ANAPC4: variants seen among roughly 807,000 people sequenced by gnomAD.
ANAPC4 encodes anaphase promoting complex subunit 4.
Under a neutral mutation model 119.8 loss-of-function variants are expected in ANAPC4, and 63 were observed. That is an observed-to-expected ratio of 0.53 (90% CI 0.43 to 0.65). ANAPC4 has a LOEUF of 0.65. ANAPC4 is among the 30% of genes least tolerant of loss of function. The probability of loss-of-function intolerance (pLI) is 0.00; values close to 1 mark genes in which losing one functional copy is unlikely to be tolerated. For synonymous variants in ANAPC4, 283 were observed against 318.6 expected (o/e 0.89, Z 1.19); for missense variants, 716 against 945.1 (o/e 0.76, Z 3.18).
Position 25,388,473 on chromosome 4 carries a change from A to C in ANAPC4, c.369-27A>C, listed in dbSNP as rs767804612. 7 of 1,450,436 alleles carry C rather than the reference A, an allele frequency of 4.8e-6. No homozygotes were observed. In the East Asian group the frequency reaches 1.4e-4, roughly 28 times the overall value. 89.8% of individuals were successfully genotyped at this position (1,450,436 alleles called of 1,614,324 possible). On this transcript the variant is annotated intron_variant, in intron 4 of 28. Coordinates refer to ENST00000315368, the MANE Select transcript of ANAPC4 (RefSeq NM_013367.3). ...GAGAAGTAAAATCTTTGGTGTTTTTATAATGCTTTTATTTTTTCCTTTTTA... is the reference window on the plus strand; with the variant it reads ...GAGAAGTAAAATCTTTGGTGTTTTTCTAATGCTTTTATTTTTTCCTTTTTA...
rs1577406744 is a variant in ANAPC4 at position 25,418,276 on chromosome 4, A to C, written c.2321A>C (p.Glu774Ala). ...AATAAGCCTGTAAAAATAAAGGAAG[A>C]AGTGTTGTCGGAGTCAGAGGCAGAG... ...ASNKPVKIKEEVLSESEAENQ... is the reference protein window; with the variant it reads ...ASNKPVKIKEAVLSESEAENQ... The change falls in exon 29 of 29, where the codon GAA becomes GCA. Residue 774 changes from glutamate (E) to alanine (A), a missense_variant. Physicochemically the swap from Glu to Ala is moderately radical, Grantham distance 107. This residue lies in a region of ANAPC4 where 504 missense variants were observed against 615.8 expected (regional missense o/e 0.82). Transcript: ENST00000315368. The C allele has an allele frequency of 6.2e-7, 1 of 1,614,044 alleles. No homozygotes were observed. The highest frequency in any genetic ancestry group is 2.2e-5 in the East Asian group (1 of 44,858).
In ANAPC4 at chr4:25,383,336, T is replaced by C; in HGVS notation, c.311T>C (p.Phe104Ser). Residue 104 changes from phenylalanine to serine, a missense_variant, in exon 4 of 29, where the codon TTT (phenylalanine) becomes TCT (serine). Physicochemically the swap from Phe to Ser is radical, Grantham distance 155. Around this residue, in one of 3 missense-constraint regions of ANAPC4, gnomAD observed 202 missense variants for 293.5 expected, o/e 0.69. Coordinates refer to ENST00000315368, the MANE Select transcript of ANAPC4 (RefSeq NM_013367.3). ...DVEKPESLHS[F>S]SVEAPVSCMH... ...GAAAAACCTGAGAGCTTACACTCTT[T>C]TTCTGTGGAGGCTCCAGTTTCCTGT... The C allele has an allele frequency of 6.2e-7, 1 of 1,613,398 alleles. No homozygotes were observed. Among genetic ancestry groups the C allele is most frequent in the Non-Finnish European group, 8.5e-7 (1 of 1,179,708 alleles).
intron 9 of ANAPC4, 39 bp downstream of exon 9, chr4:25,391,054 G>A (rs756370128): frequency 2.1e-6 from 3 of 1,402,156 alleles, no homozygotes; most frequent in Non-Finnish European, 3.0e-6. Context: ...GAGTAAATAT[G>A]TATTTAACAG....
At chr4:25,395,777 C>T (rs568474841) in intron 14 of ANAPC4, among the ~76,000 whole-genome samples, 12 of 152,094 alleles carry the variant, frequency 7.9e-5, no homozygotes, top group Non-Finnish European at 1.8e-4. Flanking sequence ...TGGTATATTC[C>T]TTTATGCTGA....
Position 25,390,227 on chromosome 4 carries a change from T to C in ANAPC4, c.600+7T>C. 1 of 1,594,660 alleles carries C rather than the reference T, an allele frequency of 6.3e-7. No individual in the cohort carries two copies. Reference sequence around the variant, plus strand: ...AATTGCTCGAGTCACAGGGGTAAGATTTCTTTAACATTTTCTCTTCCTAAA... The same window carrying C: ...AATTGCTCGAGTCACAGGGGTAAGACTTCTTTAACATTTTCTCTTCCTAAA... On this transcript the variant is annotated splice_region_variant and intron_variant, in intron 8 of 28. Coordinates refer to ENST00000315368, the MANE Select transcript of ANAPC4 (RefSeq NM_013367.3).
chr4:25,418,058 T>C, intron 28 of ANAPC4, 97 bp from the exon 29 acceptor site: 1 of 1,197,104 alleles, frequency 8.4e-7, no homozygotes, highest in Non-Finnish European at 1.2e-6. Context: ...ATAACTTTCC[T>C]ATAAAACCAT....
chr4:25,416,595 C>T lies in ANAPC4; in HGVS notation c.2072C>T (p.Thr691Ile). ...TATCAGTTCACTGGGACTTATTCTA[C>T]AAGGTAACTAGTAACATTGTCTTTC... The part of the protein sequence containing the change: ...AEYQFTGTYS[T>I]RLDEQCSAIP... Residue 691 changes from threonine (T) to isoleucine (I), a missense_variant, in exon 27 of 29, where the codon ACA becomes ATA. By Grantham distance (89) the Thr-to-Ile change is moderately conservative. Transcript: ENST00000315368. 1 of 1,520,872 alleles carries T rather than the reference C, an allele frequency of 6.6e-7. No homozygotes were observed. The highest frequency in any genetic ancestry group is 1.4e-5 in the African/African-American group (1 of 72,716). 94.2% of individuals were successfully genotyped at this position (1,520,872 alleles called of 1,614,324 possible). A position where few individuals can be genotyped will look rare whatever the true frequency, so the allele number is the denominator to read the frequency against.
intron 25 of ANAPC4, 117 bp downstream of exon 25, chr4:25,414,817 C>T: frequency 1.1e-6 from 1 of 950,714 alleles, no homozygotes; most frequent in Non-Finnish European, 1.4e-6. Context: ...TTAGATGTGT[C>T]ATTTAATTGT....
At chr4:25,388,264 C>T (rs1229674704) in intron 4 of ANAPC4, among the ~76,000 whole-genome samples, 2 of 151,900 alleles carry the variant, frequency 1.3e-5, no homozygotes, top group Non-Finnish European at 1.5e-5. Flanking sequence ...AATATCATTT[C>T]TCTAAATGTA....
At chr4:25,379,234 A>G (rs1404255460) in intron 2 of ANAPC4, among the ~76,000 whole-genome samples, 8 of 152,066 alleles carry the variant, frequency 5.3e-5, no homozygotes. Context: ...AGGAGAGGTA[A>G]TTGAGAGCTG....
chr4:25,404,472 G>C (rs1322062138), intron 17 of ANAPC4, among the ~76,000 whole-genome samples: 1 of 152,032 alleles, frequency 6.6e-6, no homozygotes, highest in African/African-American at 2.4e-5. Context: ...TAAGAATCAG[G>C]ATTGTCCTTA....
rs1722177805 is a variant in ANAPC4 at position 25,388,759 on chromosome 4, T to C, written c.470+16T>C. 1.2e-6 allele frequency: 2 copies of C among 1,608,472 alleles called. No homozygotes were observed. The highest frequency in any genetic ancestry group is 1.7e-5 in the Admixed American group (1 of 59,498). On this transcript the variant is annotated intron_variant, in intron 6 of 28. Transcript: ENST00000315368. ...AAATATTTAGGTAAGATACGCCTTT[T>C]CTTGTTTTCAAGTAAGATAATCTGC... is the stretch of plus-strand genomic sequence containing the variant.
intron 28 of ANAPC4, 67 bp downstream of exon 28, chr4:25,417,806 T>G: frequency 1.3e-6 from 2 of 1,543,554 alleles, no homozygotes; most frequent in South Asian, 2.6e-5. Context: ...TTTGGAACCT[T>G]CATCAAATAC....
intron 27 of ANAPC4, 156 bp downstream of exon 27, chr4:25,416,754 A>G (rs946496818): frequency 3.9e-6 from 2 of 515,614 alleles, no homozygotes; most frequent in African/African-American, 3.9e-5. Flanking sequence ...TTTTCATTCA[A>G]AATATGCTGG....
At chr4:25,411,030 A>G (rs1560446884) in intron 21 of ANAPC4, among the ~76,000 whole-genome samples, 1 of 152,128 alleles carries the variant, frequency 6.6e-6, no homozygotes, top group Non-Finnish European at 1.5e-5. Flanking sequence ...TGAATGAATG[A>G]GGGAGAGAAT....
At chr4:25,401,078 G>A (rs548042681) in intron 16 of ANAPC4, among the ~76,000 whole-genome samples, 3 of 152,082 alleles carry the variant, frequency 2.0e-5, no homozygotes, top group Middle Eastern at 3.4e-3. Flanking sequence ...TTTAATCCTC[G>A]TTCAAAACTT....
rs11376093 is a variant in ANAPC4 at position 25,412,759 on chromosome 4, G to GAA, written c.1526-876_1526-875dup. Reference sequence around the variant, plus strand: ...GAATGAGACTCTGTCTTTAAAAAAAGAAAAAAAAAAATGTTCCTGTCACCT... The same window carrying GAA: ...GAATGAGACTCTGTCTTTAAAAAAAGAAAAAAAAAAAAATGTTCCTGTCACCT... On this transcript the variant is annotated intron_variant, in intron 21 of 28. Coordinates refer to ENST00000315368, the MANE Select transcript of ANAPC4 (RefSeq NM_013367.3). 1.0e-3 allele frequency among the ~76,000 whole-genome samples: 153 copies of GAA among 147,602 alleles called. No individual in the cohort carries two copies. The South Asian group carries it at 0.011, about 10-fold the overall frequency.
chr4:25,389,427 G>A (rs1033277562), intron 7 of ANAPC4, among the ~76,000 whole-genome samples: 2 of 152,116 alleles, frequency 1.3e-5, no homozygotes, highest in Non-Finnish European at 2.9e-5. Flanking sequence ...AAAGCGCTGG[G>A]ATTACAGGCG....
At chr4:25,417,806 T>C (rs1339700494) in intron 28 of ANAPC4, 67 bp downstream of exon 28, 6 of 1,543,436 alleles carry the variant, frequency 3.9e-6, no homozygotes, top group Non-Finnish European at 5.2e-6. Flanking sequence ...TTTGGAACCT[T>C]CATCAAATAC....
Sources: gnomAD v4.1 joint callset for allele counts (sites outside exome capture counted in the v4.1 genomes callset) on GRCh38, gnomAD v4.1.1 for gene constraint, gnomAD v4.1.1 regional missense constraint, MANE v1.5 for transcripts, NCBI Gene and HGNC (gene_info 2026-07-23, HGNC 2026-07-21) for gene names.